MALRD1: variants seen among roughly 807,000 people sequenced by gnomAD.
The protein encoded by MALRD1 is MAM and LDL receptor class A domain containing 1.
Under a neutral mutation model 242.1 loss-of-function variants are expected in MALRD1, and 247 were observed. The observed-to-expected ratio is 1.02, with a 90% CI of 0.92 to 1.13. The LOEUF is 1.13. MALRD1 is among the 50% of genes most tolerant of loss of function. The probability of loss-of-function intolerance (pLI) is 0.00; values close to 1 mark genes in which losing one functional copy is unlikely to be tolerated. For synonymous variants in MALRD1, 995 were observed against 866.6 expected (o/e 1.15, Z -2.60); for missense variants, 2,989 against 2,533.1 (o/e 1.18, Z -3.86).
At chr10:19,149,557 T>A in intron 11 of MALRD1, among the ~76,000 whole-genome samples, 1 of 152,160 alleles carries the variant, frequency 6.6e-6, no homozygotes, top group East Asian at 1.9e-4. Flanking sequence ...AAATTATATG[T>A]GTTTCTGTGG....
intron 21 of MALRD1, among the ~76,000 whole-genome samples, chr10:19,315,855 A>G (rs1460236477): frequency 6.8e-6 from 1 of 146,858 alleles, no homozygotes; most frequent in Admixed American, 7.0e-5. Flanking sequence ...TTTATTATTT[A>G]TAATGTTTAC....
intron 36 of MALRD1, among the ~76,000 whole-genome samples, chr10:19,636,955 ATTTT>A (rs1383445962): frequency 1.3e-5 from 2 of 151,720 alleles, no homozygotes; most frequent in Admixed American, 6.6e-5. Flanking sequence ...TTACTATATT[ATTTT>A]GTCAATAAAT....
chr10:19,552,615 C>T (rs147460663), intron 32 of MALRD1, among the ~76,000 whole-genome samples: 3 of 152,034 alleles, frequency 2.0e-5, no homozygotes, highest in East Asian at 1.9e-4. Context: ...TACTATCTCT[C>T]ACAACAGTAC....
intron 28 of MALRD1, among the ~76,000 whole-genome samples, chr10:19,422,366 T>C (rs1342893229): frequency 6.6e-6 from 1 of 152,178 alleles, no homozygotes; most frequent in African/African-American, 2.4e-5. Context: ...CTTTTAGATG[T>C]TAAAAATGTC....
intron 28 of MALRD1, among the ~76,000 whole-genome samples, chr10:19,420,093 C>G (rs1833662382): frequency 6.6e-6 from 1 of 152,158 alleles, no homozygotes; most frequent in Non-Finnish European, 1.5e-5. Context: ...GGAGCGCACA[C>G]TTGGACAAGG....
intron 29 of MALRD1, among the ~76,000 whole-genome samples, chr10:19,487,356 T>A (rs1414703369): frequency 2.7e-4 from 14 of 51,194 alleles, no homozygotes; most frequent in Non-Finnish European, 4.5e-4. Flanking sequence ...GAGGCTGTTT[T>A]TTATTTGTTT....
Position 19,588,797 on chromosome 10 carries a change from C to A in MALRD1, c.5681-6397C>A, listed in dbSNP as rs1255416346. Among the ~76,000 whole-genome samples the A allele has an allele frequency of 2.6e-5, 4 of 152,188 alleles. No homozygotes were observed. The East Asian group carries it at 7.7e-4, about 29-fold the overall frequency. On this transcript the variant is annotated intron_variant, in intron 33 of 39. Coordinates refer to ENST00000454679, the MANE Select transcript of MALRD1 (RefSeq NM_001142308.3). ...AGCTGGGATTACAGCCACCCACTACCATGCCTGTCTAATTTTTGTATTTTT... is the reference window on the plus strand; with the variant it reads ...AGCTGGGATTACAGCCACCCACTACAATGCCTGTCTAATTTTTGTATTTTT...
At chr10:19,284,248 A>G (rs1435309516) in intron 21 of MALRD1, among the ~76,000 whole-genome samples, 1 of 126,550 alleles carries the variant, frequency 7.9e-6, no homozygotes, top group Non-Finnish European at 1.8e-5. Context: ...TTACATACCA[A>G]CTTTTTTTTT....
intron 21 of MALRD1, among the ~76,000 whole-genome samples, chr10:19,291,779 T>A (rs1466634982): frequency 6.6e-6 from 1 of 151,118 alleles, no homozygotes; most frequent in East Asian, 2.0e-4. Context: ...CTAAGGTCCT[T>A]CCATTAAAAA....
chr10:19,336,252 C>T (rs1843606981), intron 24 of MALRD1, among the ~76,000 whole-genome samples: 2 of 152,254 alleles, frequency 1.3e-5, no homozygotes, highest in South Asian at 4.1e-4. Context: ...GATACAGAGA[C>T]TTCTATGGGA....
chr10:19,065,024 A>T (rs1166044490), intron 1 of MALRD1, among the ~76,000 whole-genome samples: 1 of 152,076 alleles, frequency 6.6e-6, no homozygotes, highest in Non-Finnish European at 1.5e-5. Context: ...GCGGTTGCTC[A>T]TGCCTGTAAT....
chr10:19,080,328 G>C (rs941485080), intron 2 of MALRD1, among the ~76,000 whole-genome samples: 7 of 151,880 alleles, frequency 4.6e-5, no homozygotes, highest in African/African-American at 1.7e-4. Context: ...TAAACAAAAA[G>C]AACAAAACTG....
intron 33 of MALRD1, among the ~76,000 whole-genome samples, chr10:19,574,019 A>T (rs576196555): frequency 4.6e-5 from 7 of 152,328 alleles, no homozygotes; most frequent in Non-Finnish European, 1.0e-4. Context: ...TTTTGTCTTG[A>T]CTTGATAAAT....
chr10:19,690,042 C>CAGG (rs1294170802), intron 36 of MALRD1, among the ~76,000 whole-genome samples: 1 of 151,918 alleles, frequency 6.6e-6, no homozygotes, highest in Non-Finnish European at 1.5e-5. Flanking sequence ...TTCAAGATGG[C>CAGG]AGGCTGATAC....
At chr10:19,156,461 C>G (rs1437334990) in intron 12 of MALRD1, among the ~76,000 whole-genome samples, 6 of 100,414 alleles carry the variant, frequency 6.0e-5, no homozygotes, top group Admixed American at 1.1e-4. Context: ...AGATATAGAG[C>G]GTTTTTTTTT....
intron 11 of MALRD1, among the ~76,000 whole-genome samples, chr10:19,152,879 C>T (rs1833994808): frequency 6.6e-6 from 1 of 151,968 alleles, no homozygotes; most frequent in Non-Finnish European, 1.5e-5. Context: ...ATAAATATTG[C>T]CTAATATTAT....
At chr10:19,696,355 G>A (rs190614758) in intron 38 of MALRD1, among the ~76,000 whole-genome samples, 1 of 152,094 alleles carries the variant, frequency 6.6e-6, no homozygotes, top group Non-Finnish European at 1.5e-5. Flanking sequence ...AGAAATTAAA[G>A]ATATACATCA....
At chr10:19,559,952 A>C (rs1215661956) in intron 32 of MALRD1, among the ~76,000 whole-genome samples, 1 of 152,144 alleles carries the variant, frequency 6.6e-6, no homozygotes, top group Non-Finnish European at 1.5e-5. Context: ...ATACTATCTC[A>C]CACCAGAATG....
intron 29 of MALRD1, among the ~76,000 whole-genome samples, chr10:19,480,460 T>G (rs1836944305): frequency 6.6e-6 from 1 of 152,126 alleles, no homozygotes; most frequent in Non-Finnish European, 1.5e-5. Flanking sequence ...GAAGGAAGGT[T>G]GAGACATTGA....
Sources: gnomAD v4.1 joint callset for allele counts (sites outside exome capture counted in the v4.1 genomes callset) on GRCh38, gnomAD v4.1.1 for gene constraint, MANE v1.5 for transcripts, NCBI Gene and HGNC (gene_info 2026-07-23, HGNC 2026-07-21) for gene names.